CRELD2: variants seen among roughly 807,000 people sequenced by gnomAD.
CRELD2 encodes CRELD disulfide isomerase 2.
A neutral mutation model predicts 48.1 loss-of-function variants in CRELD2; 33 were observed. That is an observed-to-expected ratio of 0.69 (90% CI 0.52 to 0.92). The LOEUF is 0.92. CRELD2 is among the 40% of genes least tolerant of loss of function. CRELD2 has a pLI of 0.00. For synonymous variants in CRELD2, 220 were observed against 203.9 expected, an observed-to-expected ratio of 1.08 and a Z score of -0.67; for missense variants, 477 against 482.4, an observed-to-expected ratio of 0.99 and a Z score of 0.10.
At chr22:49,922,362 G>C in intron 5 of CRELD2, 1 of 1,611,078 alleles carries the variant, frequency 6.2e-7, no homozygotes, top group Non-Finnish European at 8.5e-7. Context: ...GCGTGGCGTG[G>C]GCCACGCATG....
intron 9 of CRELD2, chr22:49,925,826 C>T (rs1165876638): frequency 1.1e-5 from 12 of 1,114,738 alleles, no homozygotes; most frequent in South Asian, 5.8e-5. Context: ...CCTCAGCGGG[C>T]GATGAGCAGA....
chr22:49,921,868 C>T (rs1185866929), intron 5 of CRELD2, 107 bp downstream of exon 5: 10 of 1,191,466 alleles, frequency 8.4e-6, no homozygotes, highest in East Asian at 2.4e-5. Flanking sequence ...TCTTTAACCC[C>T]AGATGTCCAA....
intron 5 of CRELD2, 102 bp from the exon 6 acceptor site, chr22:49,922,510 G>C: frequency 1.3e-6 from 2 of 1,491,662 alleles, no homozygotes; most frequent in Non-Finnish European, 1.8e-6. Context: ...TGAAAATCCC[G>C]TGTTGCTTTT....
At chr22:49,920,424 G>A (rs954048976) in intron 4 of CRELD2, among the ~76,000 whole-genome samples, 177 bp downstream of exon 4, 22 of 152,300 alleles carry the variant, frequency 1.4e-4, no homozygotes, top group Non-Finnish European at 2.5e-4. Flanking sequence ...ACTTCGCACC[G>A]TCTGGCTGCA....
intron 5 of CRELD2, chr22:49,922,288 C>CCTTG (rs1569184943): frequency 6.8e-7 from 1 of 1,480,842 alleles, no homozygotes. Flanking sequence ...TTCTTACGCC[C>CCTTG]CTCAGCAGTC....
At chr22:49,924,510 T>C in intron 8 of CRELD2, 55 bp downstream of exon 8, 1 of 1,311,324 alleles carries the variant, frequency 7.6e-7, no homozygotes, top group Non-Finnish European at 1.1e-6. Context: ...GTGACCATGA[T>C]GTGAATGGCC....
rs890773426 is a variant in CRELD2, at chr22:49,918,664, G to C, written c.-106G>C. On this transcript the variant is annotated 5_prime_UTR_variant, in exon 1 of 10. Coordinates refer to ENST00000328268, the MANE Select transcript of CRELD2 (RefSeq NM_024324.5). ...CTCGCCGGCGCCGTCAAGTAGCCTG[G>C]GGGACAGGCCGGCGCGGCTGGGAGC... 1 of 388,996 alleles carries C rather than the reference G, an allele frequency of 2.6e-6. No individual in the cohort carries two copies. Among genetic ancestry groups the C allele is most frequent in the Admixed American group, 4.7e-5 (1 of 21,252 alleles). The allele number at this position is 388,996 out of a possible 1,614,324, so 24.1% of individuals were successfully genotyped here.
At chr22:49,924,091 T>A in intron 7 of CRELD2, 1 of 317,808 alleles carries the variant, frequency 3.1e-6, no homozygotes, top group East Asian at 6.4e-5. Flanking sequence ...GAGGTGGGTT[T>A]GTTTCTAGAA....
At chr22:49,927,530 CAGG>C in exon 10 of CRELD2, 2 of 555,788 alleles carry the variant, frequency 3.6e-6, no homozygotes, top group East Asian at 3.1e-5. Context: ...TGTAGGTAAT[CAGG>C]AGGAGAACGG....
chr22:49,927,129 T>TTTGA, intron 9 of CRELD2, 126 bp from the exon 10 acceptor site: 1 of 831,366 alleles, frequency 1.2e-6, no homozygotes, highest in South Asian at 1.4e-5. Context: ...CTTGGATGGC[T>TTTGA]GCGTCCGGGG....
At chr22:49,926,226 AC>A (rs2060762308) in intron 9 of CRELD2, 2 of 152,406 alleles carry the variant, frequency 1.3e-5, no homozygotes, top group South Asian at 4.1e-4. Context: ...CCTCATGTTA[AC>A]CTGGCCAGTG....
Position 49,918,734 on chromosome 22 carries a change from G to C in CRELD2, c.-36G>C. 1.2e-6 allele frequency: 1 copy of C among 851,050 alleles called. No homozygotes were observed. The highest frequency in any genetic ancestry group is 1.6e-6 in the Non-Finnish European group (1 of 633,986). The allele number at this position is 851,050 out of a possible 1,614,324, so 52.7% of individuals were successfully genotyped here. ...CGGAGCAGCACGGCCGCAGGACCTGGAGCTCCGGCTGCGTCTTCCCGCAGC... is the reference window on the plus strand; with the variant it reads ...CGGAGCAGCACGGCCGCAGGACCTGCAGCTCCGGCTGCGTCTTCCCGCAGC... On this transcript the variant is annotated 5_prime_UTR_variant, in exon 1 of 10. Coordinates refer to ENST00000328268, the MANE Select transcript of CRELD2 (RefSeq NM_024324.5).
At chr22:49,919,927 C>G in intron 3 of CRELD2, 87 bp downstream of exon 3, 2 of 1,065,202 alleles carry the variant, frequency 1.9e-6, no homozygotes, top group Non-Finnish European at 1.4e-6. Flanking sequence ...GGTACAGGAA[C>G]AGTAGGGAGC....
chr22:49,922,794 GCAT>G, intron 6 of CRELD2, 87 bp downstream of exon 6: 1 of 54,516 alleles, frequency 1.8e-5, no homozygotes, highest in Non-Finnish European at 3.1e-5. Context: ...GGGGTGTGAG[GCAT>G]GGGGGCGGGA....
chr22:49,922,012 C>T lies in CRELD2; in HGVS notation c.592+251C>T, dbSNP rs547336737. 1.2e-3 allele frequency: 715 copies of T among 601,930 alleles called. 4 individuals carry two copies. The highest frequency in any genetic ancestry group is 0.012 in the Middle Eastern group (26 of 2,252). 37.3% of individuals were successfully genotyped at this position (601,930 alleles called of 1,614,324 possible). A position where few individuals can be genotyped will look rare whatever the true frequency, so the allele number is the denominator to read the frequency against. ...CCTTTCTCTCTAGTTCAAGGTCCAC[C>T]CCGACCTTGAGTTGTGATGGGCCAT... is the stretch of plus-strand genomic sequence containing the variant. On this transcript the variant is annotated intron_variant, in intron 5 of 9. Transcript: ENST00000328268.
chr22:49,922,890 G>GC (rs2060713682), intron 6 of CRELD2, among the ~76,000 whole-genome samples, 183 bp downstream of exon 6: 2 of 71,474 alleles, frequency 2.8e-5, no homozygotes, highest in African/African-American at 1.4e-4. Flanking sequence ...AGGTGTGGGG[G>GC]AGCATGAGGT....
chr22:49,922,218 C>T (rs2060695485), intron 5 of CRELD2: 2 of 1,473,594 alleles, frequency 1.4e-6, no homozygotes, highest in Admixed American at 2.2e-5. Context: ...TGGCCGGCAG[C>T]CCCTAGGCTA....
intron 6 of CRELD2, among the ~76,000 whole-genome samples, chr22:49,922,989 T>C (rs1193376227): frequency 6.9e-6 from 1 of 145,370 alleles, no homozygotes; most frequent in Non-Finnish European, 1.5e-5. Context: ...GCCATCCTCA[T>C]GGGGCGCCTG....
chr22:49,922,325 GC>G (rs751584470), intron 5 of CRELD2: 3 of 1,243,926 alleles, frequency 2.4e-6, no homozygotes, highest in Non-Finnish European at 3.3e-6. Context: ...ATTCTTACCC[GC>G]CTTGCTGTCT....
Sources: gnomAD v4.1 joint callset for allele counts (sites outside exome capture counted in the v4.1 genomes callset) on GRCh38, gnomAD v4.1.1 for gene constraint, MANE v1.5 for transcripts, NCBI Gene and HGNC (gene_info 2026-07-23, HGNC 2026-07-21) for gene names.